RAB38: variants seen among roughly 807,000 people sequenced by gnomAD.
RAB38 encodes the protein ras-related protein Rab-38.
In RAB38, 15 loss-of-function variants were observed where a neutral mutation model predicts 18.4. The observed-to-expected ratio is 0.82, with a 90% CI of 0.55 to 1.26. The LOEUF is 1.26. Ranked by LOEUF, RAB38 falls within the 50% of genes most tolerant of loss-of-function variation. The pLI, the probability that RAB38 is intolerant of heterozygous loss-of-function variation, is 0.00. For missense variants in RAB38, 294 were observed against 267.4 expected, an observed-to-expected ratio of 1.10 and a Z score of -0.69; for synonymous variants, 101 against 104.4, an observed-to-expected ratio of 0.97 and a Z score of 0.20.
At chr11:88,080,416 T>C in the RAB38 span, among the ~76,000 whole-genome samples, 4 of 151,892 alleles carry the variant, frequency 2.6e-5, no homozygotes, top group Non-Finnish European at 4.4e-5. Context: ...AAAGGTGATA[T>C]ATATACTGTA....
chr11:88,106,247 T>C, the RAB38 span, among the ~76,000 whole-genome samples: 1 of 152,152 alleles, frequency 6.6e-6, no homozygotes, highest in Non-Finnish European at 1.5e-5. Flanking sequence ...TCTTGACAAG[T>C]GACTTACTTA....
chr11:88,054,677 G>A, the RAB38 span, among the ~76,000 whole-genome samples: 15 of 152,226 alleles, frequency 9.9e-5, no homozygotes, highest in Non-Finnish European at 1.8e-4. Context: ...GGGACATTAA[G>A]GAGGCCACTA....
At chr11:88,096,682 T>C in the RAB38 span, among the ~76,000 whole-genome samples, 1 of 151,880 alleles carries the variant, frequency 6.6e-6, no homozygotes, top group Non-Finnish European at 1.5e-5. Flanking sequence ...GAAGCAGGAA[T>C]GATGGAAGGA....
At chr11:88,173,790 G>A (rs1172621429) in intron 1 of RAB38, 32 of 985,234 alleles carry the variant, frequency 3.2e-5, no homozygotes, top group Non-Finnish European at 3.9e-5. Flanking sequence ...CTTGCTACTA[G>A]AGCAGCTGAA....
the RAB38 span, among the ~76,000 whole-genome samples, chr11:87,968,771 A>C: frequency 6.6e-6 from 1 of 152,148 alleles, no homozygotes; most frequent in East Asian, 1.9e-4. Flanking sequence ...CAAAGAGTTG[A>C]TATTTTGAGC....
intron 2 of RAB38, among the ~76,000 whole-genome samples, chr11:88,128,574 A>G (rs902593125): frequency 6.6e-6 from 1 of 152,150 alleles, no homozygotes; most frequent in African/African-American, 2.4e-5. Context: ...AATAAAATTA[A>G]TCTCTCAAAT....
the RAB38 span, among the ~76,000 whole-genome samples, chr11:88,037,152 C>T: frequency 1.3e-5 from 2 of 151,958 alleles, no homozygotes; most frequent in African/African-American, 4.8e-5. Context: ...ATACGTCAAT[C>T]AGTTTGTTGA....
chr11:88,034,082 C>G, the RAB38 span, among the ~76,000 whole-genome samples: 14 of 152,158 alleles, frequency 9.2e-5, no homozygotes, highest in Admixed American at 9.2e-4. Context: ...CACCTGGCAA[C>G]CACTAATCTG....
At chr11:88,144,395 T>C (rs1942954633) in intron 2 of RAB38, among the ~76,000 whole-genome samples, 1 of 152,130 alleles carries the variant, frequency 6.6e-6, no homozygotes, top group African/African-American at 2.4e-5. Flanking sequence ...AAGAAGAAAG[T>C]TTCCTGAGTT....
At chr11:88,038,018 T>C in the RAB38 span, among the ~76,000 whole-genome samples, 1 of 152,192 alleles carries the variant, frequency 6.6e-6, no homozygotes, top group Admixed American at 6.6e-5. Flanking sequence ...GTGTATTGTC[T>C]ATGTATATAG....
At chr11:88,123,002 C>A (rs190168170) in intron 2 of RAB38, among the ~76,000 whole-genome samples, 1 of 152,126 alleles carries the variant, frequency 6.6e-6, no homozygotes, top group Non-Finnish European at 1.5e-5. Flanking sequence ...TGAGGCCAAT[C>A]GTCACTATAT....
the RAB38 span, among the ~76,000 whole-genome samples, chr11:87,963,420 T>C: frequency 4.6e-5 from 7 of 152,110 alleles, no homozygotes; most frequent in East Asian, 3.9e-4. Context: ...ATGCAACATA[T>C]ACATACAGTT....
chr11:87,891,726 GA>G, the RAB38 span, among the ~76,000 whole-genome samples: 3 of 151,868 alleles, frequency 2.0e-5, no homozygotes, highest in Admixed American at 6.6e-5. Context: ...TGTGTATCAA[GA>G]ATTTGAAATG....
intron 2 of RAB38, among the ~76,000 whole-genome samples, chr11:88,147,818 G>A (rs181811240): frequency 1.6e-4 from 24 of 152,126 alleles, no homozygotes; most frequent in African/African-American, 4.3e-4. Flanking sequence ...ACTTGAATCC[G>A]GGGGGTGGAG....
the RAB38 span, among the ~76,000 whole-genome samples, chr11:87,957,660 C>T: frequency 1.3e-5 from 2 of 152,194 alleles, no homozygotes; most frequent in Admixed American, 6.6e-5. Context: ...CCCTCATGAC[C>T]TGCTTTCAGG....
chr11:88,157,711 A>G (rs945534883), intron 1 of RAB38, among the ~76,000 whole-genome samples: 1 of 152,182 alleles, frequency 6.6e-6, no homozygotes, highest in Non-Finnish European at 1.5e-5. Context: ...ATTACATGGA[A>G]ATGAAAACAA....
intron 2 of RAB38, among the ~76,000 whole-genome samples, chr11:88,119,658 C>T (rs1942604906): frequency 6.7e-6 from 1 of 148,306 alleles, no homozygotes; most frequent in African/African-American, 2.5e-5. Flanking sequence ...TGACCCCCAG[C>T]ACCAGAGAGC....
the RAB38 span, among the ~76,000 whole-genome samples, chr11:87,868,922 A>T: frequency 6.6e-6 from 1 of 151,608 alleles, no homozygotes; most frequent in East Asian, 2.0e-4. Context: ...AACTGCCTAG[A>T]TGGTAACAAA....
the RAB38 span, among the ~76,000 whole-genome samples, chr11:87,881,033 G>GA: frequency 6.6e-6 from 1 of 151,864 alleles, no homozygotes; most frequent in African/African-American, 2.4e-5. Flanking sequence ...AGGCTGAAGT[G>GA]AAGTGGCGTG....
Sources: allele counts gnomAD v4.1 joint callset (sites outside exome capture counted in the v4.1 genomes callset), GRCh38; gene constraint gnomAD v4.1.1; transcripts MANE v1.5; gene names NCBI Gene and HGNC (gene_info 2026-07-23, HGNC 2026-07-21).